The following KAZN variants were observed in gnomAD, a reference collection of about 807,000 sequenced individuals.
KAZN encodes kazrin, periplakin interacting protein.
A neutral mutation model predicts 87.4 loss-of-function variants in KAZN; 40 were observed. The ratio of observed to expected loss-of-function variants is 0.46; its 90% confidence interval spans 0.36 to 0.60. The LOEUF is 0.60. Ranked by LOEUF, KAZN falls within the 20% of genes least tolerant of loss-of-function variation. KAZN has a pLI of 0.00. For missense variants in KAZN, 898 were observed against 1,073.9 expected (o/e 0.84, Z 2.29); for synonymous variants, 466 against 458.3 (o/e 1.02, Z -0.22).
At chr1:14,645,344 G>T (rs1426712788) in intron 1 of KAZN, among the ~76,000 whole-genome samples, 1 of 152,106 alleles carries the variant, frequency 6.6e-6, no homozygotes, top group East Asian at 1.9e-4. Context: ...GAAGAATGTT[G>T]GTGGTAGTTT....
intron 1 of KAZN, among the ~76,000 whole-genome samples, chr1:14,781,000 G>C (rs764224446): frequency 6.6e-6 from 1 of 152,208 alleles, no homozygotes; most frequent in African/African-American, 2.4e-5. Flanking sequence ...GGGGGACACT[G>C]AAGGCACCGA....
At position 14,749,311 on chromosome 1, in the gene KAZN, G is replaced by A. The variant is rs140897033; in HGVS notation, c.226+150088G>A. 4.5e-4 allele frequency among the ~76,000 whole-genome samples: 68 copies of A among 152,294 alleles called. No individual in the cohort carries two copies. The East Asian group carries it at 0.012, about 26-fold the overall frequency. On this transcript the variant is annotated intron_variant, in intron 1 of 14. Transcript: ENST00000376030. ...GGTGGAAATCTCAATTCTGTTACAA[G>A]CCTTTCTCCCATACTACCATAAACA... is the stretch of plus-strand genomic sequence containing the variant.
rs988074174 is a variant in KAZN, at chr1:14,995,374, G to T, written c.418+34499G>T. ...CCCCTTCCCTTTGCTATCATAAAGA[G>T]ACTGGTAACAGGCTGGGCACGGTGG... On this transcript the variant is annotated intron_variant, in intron 2 of 14. Transcript: ENST00000376030. Among the ~76,000 whole-genome samples, 4 of 152,184 alleles carry T rather than the reference G, an allele frequency of 2.6e-5. No individual in the cohort carries two copies. In the South Asian group the frequency reaches 8.3e-4, roughly 32 times the overall value.
At chr1:14,681,236 C>T (rs1373233729) in intron 1 of KAZN, among the ~76,000 whole-genome samples, 1 of 152,234 alleles carries the variant, frequency 6.6e-6, no homozygotes, top group Non-Finnish European at 1.5e-5. Context: ...TACACTATAT[C>T]ATGTGGCTAT....
At chr1:14,757,840 T>C (rs1372796283) in intron 1 of KAZN, among the ~76,000 whole-genome samples, 1 of 152,164 alleles carries the variant, frequency 6.6e-6, no homozygotes, top group Non-Finnish European at 1.5e-5. Flanking sequence ...TCCAGTCTAA[T>C]TGTTTATAGA....
chr1:14,564,479 G>A (rs1220953680), intron 2 of KAZN, among the ~76,000 whole-genome samples: 1 of 151,952 alleles, frequency 6.6e-6, no homozygotes, highest in African/African-American at 2.4e-5. Flanking sequence ...GCTACCCTGT[G>A]GGCTTGCTGT....
intron 8 of KAZN, among the ~76,000 whole-genome samples, chr1:15,088,110 G>C (rs1640351306): frequency 6.6e-6 from 1 of 152,196 alleles, no homozygotes. Context: ...AACTTTGTGG[G>C]CTTTAAGCTT....
rs116489674 is a variant in KAZN at position 14,632,089 on chromosome 1, C to A, written c.226+32866C>A. Among the ~76,000 whole-genome samples, 783 of 152,304 alleles carry A rather than the reference C, an allele frequency of 5.1e-3. 13 individuals are homozygous for A. The highest frequency in any genetic ancestry group is 0.018 in the African/African-American group (750 of 41,554). On this transcript the variant is annotated intron_variant, in intron 1 of 14. Transcript: ENST00000376030. ...CAGCTTATGTGAAACACCTTCATTG[C>A]AATTCCAGGTTTCTGGGGGGCTTTG... is the stretch of plus-strand genomic sequence containing the variant.
At chr1:14,332,881 G>GT (rs1352058923) in intron 2 of KAZN, among the ~76,000 whole-genome samples, 2 of 152,172 alleles carry the variant, frequency 1.3e-5, no homozygotes, top group East Asian at 3.9e-4. Flanking sequence ...TTTTTTTGTT[G>GT]TTTTTTCTTT....
intron 1 of KAZN, among the ~76,000 whole-genome samples, chr1:13,976,776 T>C (rs1342632482): frequency 6.6e-6 from 1 of 152,194 alleles, no homozygotes; most frequent in Admixed American, 6.5e-5. Flanking sequence ...TTCCTTAAGA[T>C]GCTAGTGGCA....
At chr1:14,609,743 C>T (rs1677666454) in intron 1 of KAZN, among the ~76,000 whole-genome samples, 1 of 152,238 alleles carries the variant, frequency 6.6e-6, no homozygotes, top group Non-Finnish European at 1.5e-5. Flanking sequence ...GGCATCATCC[C>T]AGTGGACCCT....
intron 4 of KAZN, among the ~76,000 whole-genome samples, chr1:15,053,084 G>T (rs1674585360): frequency 6.6e-6 from 1 of 152,228 alleles, no homozygotes; most frequent in East Asian, 1.9e-4. Flanking sequence ...GTTCATTCCT[G>T]CATGATGGCA....
At chr1:14,525,789 A>G (rs1318220313) in intron 2 of KAZN, among the ~76,000 whole-genome samples, 1 of 152,266 alleles carries the variant, frequency 6.6e-6, no homozygotes, top group Non-Finnish European at 1.5e-5. Context: ...TATTTATGCT[A>G]GCTACTGTTA....
At chr1:15,050,078 G>C (rs141269821) in intron 4 of KAZN, among the ~76,000 whole-genome samples, 43 of 141,978 alleles carry the variant, frequency 3.0e-4, no homozygotes, top group African/African-American at 1.0e-3. Context: ...GAGTAGAGTA[G>C]AGTACAGTAG....
chr1:13,949,361 T>C (rs1641262836), intron 1 of KAZN, among the ~76,000 whole-genome samples: 1 of 152,180 alleles, frequency 6.6e-6, no homozygotes, highest in African/African-American at 2.4e-5. Flanking sequence ...AAATACCTCC[T>C]GTTTAAGAGG....
intron 2 of KAZN, among the ~76,000 whole-genome samples, chr1:14,272,990 A>T (rs1212796431): frequency 6.6e-6 from 1 of 152,202 alleles, no homozygotes; most frequent in Admixed American, 6.5e-5. Context: ...GTTCTGTTTC[A>T]TTTCACAAGT....
intron 1 of KAZN, among the ~76,000 whole-genome samples, chr1:14,855,996 T>C (rs1423343774): frequency 1.3e-5 from 2 of 152,204 alleles, no homozygotes; most frequent in African/African-American, 2.4e-5. Context: ...TGATGGTACA[T>C]TTACTACTTA....
chr1:14,796,431 C>G (rs1645830009), intron 1 of KAZN, among the ~76,000 whole-genome samples: 1 of 152,206 alleles, frequency 6.6e-6, no homozygotes, highest in South Asian at 2.1e-4. Context: ...TTCACATGAG[C>G]TCCATGGCTC....
intron 1 of KAZN, among the ~76,000 whole-genome samples, chr1:14,051,620 G>A (rs758258665): frequency 4.6e-5 from 7 of 152,226 alleles, no homozygotes; most frequent in Middle Eastern, 3.4e-3. Context: ...TGGGAGGATC[G>A]CTTCAGTCCA....
Sources: allele counts gnomAD v4.1 joint callset (sites outside exome capture counted in the v4.1 genomes callset), GRCh38; gene constraint gnomAD v4.1.1; transcripts MANE v1.5; gene names NCBI Gene and HGNC (gene_info 2026-07-23, HGNC 2026-07-21).